SCGB1C2: variants seen among roughly 807,000 people sequenced by gnomAD.
SCGB1C2 encodes secretoglobin family 1C member 2.
In SCGB1C2, 3 loss-of-function variants were observed where a neutral mutation model predicts 8.4. The ratio of observed to expected loss-of-function variants is 0.36; its 90% CI spans 0.16 to 0.92. The LOEUF is 0.92. SCGB1C2 is among the 40% of genes least tolerant of loss of function. The pLI is 0.45. For missense variants in SCGB1C2, 54 were observed against 105.7 expected, an observed-to-expected ratio of 0.51 and a Z score of 2.14; for synonymous variants, 18 against 44.9, an observed-to-expected ratio of 0.40 and a Z score of 2.39.
At chr17:138,525 A>C in intron 2 of SCGB1C2, 123 bp downstream of exon 2, 1 of 526,536 alleles carries the variant, frequency 1.9e-6, no homozygotes, top group East Asian at 2.9e-5. Flanking sequence ...TTGCACCCGC[A>C]TCAGCCAGCT....
intron 2 of SCGB1C2, 63 bp downstream of exon 2, chr17:138,465 C>T: frequency 2.7e-6 from 2 of 736,384 alleles, no homozygotes; most frequent in East Asian, 5.4e-5. Flanking sequence ...CCACCCAACA[C>T]AGCACCCACA....
At position 137,571 on chromosome 17, in the gene SCGB1C2, C is replaced by A. The variant is rs1172632482; in HGVS notation, c.-20C>A. The A allele has an allele frequency of 1.3e-5, 18 of 1,437,836 alleles. 1 individual carries two copies. The South Asian group carries it at 2.2e-4, about 17-fold the overall frequency. 89.1% of individuals were successfully genotyped at this position (1,437,836 alleles called of 1,614,324 possible). On this transcript the variant is annotated 5_prime_UTR_variant, in exon 1 of 3. Coordinates refer to ENST00000595228, the MANE Select transcript of SCGB1C2 (RefSeq NM_001097610.3). Reference sequence around the variant, plus strand: ...AAAATCCCGGGATTCTGGCTGGAGGCAGCTCCTGAGACTGCCGGCATGAAG... The same window carrying A: ...AAAATCCCGGGATTCTGGCTGGAGGAAGCTCCTGAGACTGCCGGCATGAAG...
rs2039965771 is a variant in SCGB1C2 at position 138,321 on chromosome 17, T to A, written c.174T>A (p.Asp58Glu). 25 of 1,610,510 alleles carry A rather than the reference T, an allele frequency of 1.6e-5. No homozygotes were observed. The South Asian group carries it at 2.6e-4, about 17-fold the overall frequency. ...TGGGCAAGTACAATGTCAACGAAGA[T>A]GCCAAGGCAGCAATGACTGAACTCA... The part of the protein sequence containing the change: ...GTLGKYNVNE[D>E]AKAAMTELKS... Residue 58 changes from aspartate (D) to glutamate (E), a missense_variant, in exon 2 of 3, where the codon GAT becomes GAA. Coordinates refer to ENST00000595228, the MANE Select transcript of SCGB1C2 (RefSeq NM_001097610.3).
Position 137,645 on chromosome 17 carries a change from CGTGAGTCT to C in SCGB1C2, c.55+4_55+11del, listed in dbSNP as rs1304978163. On this transcript the variant is annotated splice_donor_variant and splice_donor_5th_base_variant and intron_variant, in intron 1 of 2. Transcript: ENST00000595228. LOFTEE classifies it high-confidence loss of function. ...GGCCCTCACCCTGTTCTGCATCTGC[CGTGAGTCT>C]GTGCCACTGGGGTTTCCAGAACATT... 5.0e-6 allele frequency: 7 copies of C among 1,410,418 alleles called. No individual in the cohort carries two copies. The highest frequency in any genetic ancestry group is 5.8e-6 in the Non-Finnish European group (6 of 1,034,728). The allele number at this position is 1,410,418 out of a possible 1,614,324, so 87.4% of individuals were successfully genotyped here. A position where few individuals can be genotyped will look rare whatever the true frequency, so the allele number is the denominator to read the frequency against.
rs2039966351 is a variant in SCGB1C2 at position 138,402 on chromosome 17, G to A, written c.255G>A (p.Leu85=). The change falls in exon 2 of 3, where the codon CTG becomes CTA. Residue 85 remains leucine (L), a splice_region_variant and synonymous_variant. Coordinates refer to ENST00000595228, the MANE Select transcript of SCGB1C2 (RefSeq NM_001097610.3). ...ACAAGGCGGAGCTGGTCAAGCTGCT[G>A]GTATGAGGGCGGCGGGCACCCCATT... ...PMHKAELVKL[L]VQVLGSQDGA is the part of the protein sequence containing the mutation. The A allele has an allele frequency of 1.2e-6, 2 of 1,600,964 alleles. No homozygotes were observed. Among genetic ancestry groups the A allele is most frequent in the South Asian group, 1.1e-5 (1 of 90,230 alleles).
intron 2 of SCGB1C2, among the ~76,000 whole-genome samples, chr17:138,700 C>T (rs1265820843): frequency 4.7e-4 from 30 of 63,348 alleles, no homozygotes; most frequent in Non-Finnish European, 8.7e-4. Flanking sequence ...TGTATAAACA[C>T]GTTCACACCC....
Position 138,270 on chromosome 17 carries a change from C to A in SCGB1C2, c.123C>A (p.Thr41=). 5 of 1,228,036 alleles carry A rather than the reference C, an allele frequency of 4.1e-6. No individual in the cohort carries two copies. The highest frequency in any genetic ancestry group is 3.6e-6 in the Non-Finnish European group (3 of 838,268). The allele number at this position is 1,228,036 out of a possible 1,614,324, so 76.1% of individuals were successfully genotyped here. The part of the protein sequence containing the change: ...MDFLQTLLVG[T]PEELYEGTLG... Reference sequence around the variant, plus strand: ...TCCTGCAAACACTACTGGTGGGGACCCCAGAGGAGCTCTATGAGGGGACCT... The same window carrying A: ...TCCTGCAAACACTACTGGTGGGGACACCAGAGGAGCTCTATGAGGGGACCT... The change falls in exon 2 of 3, where the codon ACC becomes ACA. Residue 41 remains threonine, a synonymous_variant. Transcript: ENST00000595228.
rs1242141044 is a variant in SCGB1C2 at position 138,939 on chromosome 17, C to T, written c.285C>T (p.Ala95=). 1.5e-6 allele frequency: 1 copy of T among 680,852 alleles called. No individual in the cohort carries two copies. The highest frequency in any genetic ancestry group is 1.6e-5 in the South Asian group (1 of 62,634). 42.2% of individuals were successfully genotyped at this position (680,852 alleles called of 1,614,324 possible). ...LVQVLGSQDG[A] Reference sequence around the variant, plus strand: ...AAGTGCTGGGCAGTCAGGACGGTGCCTAAGTGGACCTCAGACATGGCTCAG... The same window carrying T: ...AAGTGCTGGGCAGTCAGGACGGTGCTTAAGTGGACCTCAGACATGGCTCAG... The change falls in exon 3 of 3, where the codon GCC becomes GCT. Residue 95 remains alanine (A), a synonymous_variant. Coordinates refer to ENST00000595228, the MANE Select transcript of SCGB1C2 (RefSeq NM_001097610.3).
chr17:138,375 G>A lies in SCGB1C2; in HGVS notation c.228G>A (p.Met76Ile). The change falls in exon 2 of 3, where the codon ATG becomes ATA. Residue 76 changes from methionine to isoleucine, a missense_variant. Coordinates refer to ENST00000595228, the MANE Select transcript of SCGB1C2 (RefSeq NM_001097610.3). ...CCTGCAGAGATGGCCTGCAGCCAAT[G>A]CACAAGGCGGAGCTGGTCAAGCTGC... ...LKSCRDGLQP[M>I]HKAELVKLLV... The A allele has an allele frequency of 6.2e-7, 1 of 1,612,048 alleles. No individual in the cohort carries two copies. Among genetic ancestry groups the A allele is most frequent in the Non-Finnish European group, 8.5e-7 (1 of 1,179,614 alleles).
In SCGB1C2 at chr17:139,003, C is replaced by G. The variant is rs1461738541; in HGVS notation, c.*61C>G. On this transcript the variant is annotated 3_prime_UTR_variant, in exon 3 of 3. Transcript: ENST00000595228. ...CACACAAGCAGCCGTGGACACAACGCCCACTACCACCTCCCACATGGAAAT... is the reference window on the plus strand; with the variant it reads ...CACACAAGCAGCCGTGGACACAACGGCCACTACCACCTCCCACATGGAAAT... 4 of 582,820 alleles carry G rather than the reference C, an allele frequency of 6.9e-6. No individual in the cohort carries two copies. In the East Asian group the frequency reaches 1.1e-4, roughly 16 times the overall value. 36.1% of individuals were successfully genotyped at this position (582,820 alleles called of 1,614,324 possible). A position where few individuals can be genotyped will look rare whatever the true frequency, so the allele number is the denominator to read the frequency against.
chr17:138,818 C>A lies in SCGB1C2; in HGVS notation c.256-92C>A, dbSNP rs1170961495. On this transcript the variant is annotated intron_variant, in intron 2 of 2. Coordinates refer to ENST00000595228, the MANE Select transcript of SCGB1C2 (RefSeq NM_001097610.3). ...AGATAGGCAGCAATATGCCAGACCC[C>A]CCCCCCACTGAGGGCCTTGCTTGCC... is the stretch of plus-strand genomic sequence containing the variant. The A allele has an allele frequency of 8.2e-5, 54 of 659,860 alleles. 1 individual carries two copies. Among genetic ancestry groups the A allele is most frequent in the Non-Finnish European group, 1.3e-4 (52 of 389,674 alleles). The allele number at this position is 659,860 out of a possible 1,614,324, so 40.9% of individuals were successfully genotyped here.
At chr17:137,714 TA>T in intron 1 of SCGB1C2, 69 bp downstream of exon 1, 1 of 869,246 alleles carries the variant, frequency 1.2e-6, no homozygotes. Flanking sequence ...CCTGAGAAGG[TA>T]AAATCCTGGC....
chr17:138,814 A>ACCG (rs1555521077), intron 2 of SCGB1C2, 96 bp from the exon 3 acceptor site: 1 of 470,616 alleles, frequency 2.1e-6, no homozygotes, highest in African/African-American at 3.6e-5. Context: ...AATATGCCAG[A>ACCG]CCCCCCCCCC....
At position 138,256 on chromosome 17, in the gene SCGB1C2, C is replaced by T. The variant is rs1406119831; in HGVS notation, c.109C>T (p.Leu37=). The part of the protein sequence containing the change: ...DEFFMDFLQT[L]LVGTPEELYE... The stretch of plus-strand genomic sequence containing the variant: ...GTTTTTCATGGACTTCCTGCAAACA[C>T]TACTGGTGGGGACCCCAGAGGAGCT... The change falls in exon 2 of 3, where the codon CTA becomes TTA. Residue 37 remains leucine, a synonymous_variant. Transcript: ENST00000595228. 6.6e-5 allele frequency: 80 copies of T among 1,212,010 alleles called. No homozygotes were observed. The South Asian group carries it at 8.1e-4, about 12-fold the overall frequency. The allele number at this position is 1,212,010 out of a possible 1,614,324, so 75.1% of individuals were successfully genotyped here.
At position 138,308 on chromosome 17, in the gene SCGB1C2, A is replaced by G. The variant is rs1351771973; in HGVS notation, c.161A>G (p.Asn54Ser). 3 of 1,601,052 alleles carry G rather than the reference A, an allele frequency of 1.9e-6. No homozygotes were observed. Among genetic ancestry groups the G allele is most frequent in the African/African-American group, 1.4e-5 (1 of 73,850 alleles). Residue 54 changes from asparagine (N) to serine (S), a missense_variant, in exon 2 of 3, where the codon AAT becomes AGT. Asn to Ser is a conservative substitution (Grantham distance 46). Around this residue, in one of 2 missense-constraint regions of SCGB1C2, gnomAD observed 54 missense variants for 68.0 expected, o/e 0.79. Transcript: ENST00000595228. ...ELYEGTLGKYNVNEDAKAAMT... is the reference protein window; with the variant it reads ...ELYEGTLGKYSVNEDAKAAMT... Reference sequence around the variant, plus strand: ...TATGAGGGGACCTTGGGCAAGTACAATGTCAACGAAGATGCCAAGGCAGCA... The same window carrying G: ...TATGAGGGGACCTTGGGCAAGTACAGTGTCAACGAAGATGCCAAGGCAGCA...
In SCGB1C2 at chr17:138,257, T is replaced by C. The variant is rs1415727703; in HGVS notation, c.110T>C (p.Leu37Pro). ...DEFFMDFLQTLLVGTPEELYE... is the reference protein window; with the variant it reads ...DEFFMDFLQTPLVGTPEELYE... ...TTTTTCATGGACTTCCTGCAAACAC[T>C]ACTGGTGGGGACCCCAGAGGAGCTC... Residue 37 changes from leucine to proline, a missense_variant, in exon 2 of 3, where the codon CTA becomes CCA. Leu to Pro is a moderately conservative substitution (Grantham distance 98). Around this residue, in one of 2 missense-constraint regions of SCGB1C2, gnomAD observed 54 missense variants for 68.0 expected, o/e 0.79. Transcript: ENST00000595228. 5.8e-6 allele frequency: 7 copies of C among 1,210,436 alleles called. No homozygotes were observed. Among genetic ancestry groups the C allele is most frequent in the Non-Finnish European group, 8.5e-6 (7 of 827,046 alleles). 75.0% of individuals were successfully genotyped at this position (1,210,436 alleles called of 1,614,324 possible).
chr17:138,384 G>A lies in SCGB1C2; in HGVS notation c.237G>A (p.Ala79=), dbSNP rs1300689105. ...CRDGLQPMHK[A]ELVKLLVQVL... is the part of the protein sequence containing the mutation. ...ATGGCCTGCAGCCAATGCACAAGGC[G>A]GAGCTGGTCAAGCTGCTGGTATGAG... The change falls in exon 2 of 3, where the codon GCG becomes GCA. Residue 79 remains alanine (A), a synonymous_variant. Coordinates refer to ENST00000595228, the MANE Select transcript of SCGB1C2 (RefSeq NM_001097610.3). 268 of 1,610,440 alleles carry A rather than the reference G, an allele frequency of 1.7e-4. No homozygotes were observed. The highest frequency in any genetic ancestry group is 2.0e-4 in the Non-Finnish European group (233 of 1,179,132).
In SCGB1C2 at chr17:139,064, C is replaced by T. The variant is rs1365800331; in HGVS notation, c.*122C>T. On this transcript the variant is annotated 3_prime_UTR_variant, in exon 3 of 3. Transcript: ENST00000595228. ...ACCGTTTAATCAATAAAGCCTCTTCCGCAGCTCAGGCTCCTGTCTCTGCCC... is the reference window on the plus strand; with the variant it reads ...ACCGTTTAATCAATAAAGCCTCTTCTGCAGCTCAGGCTCCTGTCTCTGCCC... The T allele has an allele frequency of 6.8e-4, 399 of 584,190 alleles. No individual in the cohort carries two copies. The highest frequency in any genetic ancestry group is 6.6e-3 in the African/African-American group (351 of 53,148). 36.2% of individuals were successfully genotyped at this position (584,190 alleles called of 1,614,324 possible).
rs1286247435 is a variant in SCGB1C2, at chr17:138,858, C to T, written c.256-52C>T. The T allele has an allele frequency of 8.8e-5, 46 of 521,082 alleles. No homozygotes were observed. In the East Asian group the frequency reaches 1.6e-3, roughly 19 times the overall value. 32.3% of individuals were successfully genotyped at this position (521,082 alleles called of 1,614,324 possible). On this transcript the variant is annotated intron_variant, in intron 2 of 2. Coordinates refer to ENST00000595228, the MANE Select transcript of SCGB1C2 (RefSeq NM_001097610.3). ...CCTTGCTTGCCTGATGGAGCTGTGG[C>T]TCTCCACTTATTGAGCACAGCCCTC... is the stretch of plus-strand genomic sequence containing the variant.
Sources: gnomAD v4.1 joint callset for allele counts (sites outside exome capture counted in the v4.1 genomes callset) on GRCh38, gnomAD v4.1.1 for gene constraint, gnomAD v4.1.1 regional missense constraint, MANE v1.5 for transcripts, NCBI Gene and HGNC (gene_info 2026-07-23, HGNC 2026-07-21) for gene names.